OSBPL3: variants seen among roughly 807,000 people sequenced by gnomAD.
The protein encoded by OSBPL3 is oxysterol-binding protein-related protein 3.
In OSBPL3, 65 loss-of-function variants were observed where a neutral mutation model predicts 120.1. The observed-to-expected ratio is 0.54, with a 90% CI of 0.44 to 0.67. OSBPL3 has a LOEUF of 0.67. Among genes scored for constraint, OSBPL3 ranks in the 30% least tolerant of loss-of-function variants. The pLI is 0.00. For synonymous variants in OSBPL3, 416 were observed against 402.6 expected, an observed-to-expected ratio of 1.03 and a Z score of -0.40; for missense variants, 1,004 against 1,082.1, an observed-to-expected ratio of 0.93 and a Z score of 1.01.
Position 24,799,445 on chromosome 7 carries a change from A to G in OSBPL3, c.*738T>C, listed in dbSNP as rs1792047074. ...TTTCCTACTGTCTCTCTGGGATGCTATTGTGATATTTAATTAATTGGAATT... is the reference window on the plus strand; with the variant it reads ...TTTCCTACTGTCTCTCTGGGATGCTGTTGTGATATTTAATTAATTGGAATT... On this transcript the variant is annotated 3_prime_UTR_variant, in exon 23 of 23. Transcript: ENST00000313367. The surrounding 1 kb of genome is among the most constrained non-coding windows in gnomAD (Gnocchi z 5.3). 6.6e-6 allele frequency: 1 copy of G among 152,180 alleles called. No individual in the cohort carries two copies. The highest frequency in any genetic ancestry group is 2.4e-5 in the African/African-American group (1 of 41,452). The allele number at this position is 152,180 out of a possible 1,614,324, so 9.4% of individuals were successfully genotyped here. A position where few individuals can be genotyped will look rare whatever the true frequency, so the allele number is the denominator to read the frequency against.
Position 24,861,781 on chromosome 7 carries a change from C to G in OSBPL3, c.871-12G>C. 2.6e-6 allele frequency: 4 copies of G among 1,544,566 alleles called. No homozygotes were observed. The South Asian group carries it at 3.7e-5, about 14-fold the overall frequency. On this transcript the variant is annotated splice_polypyrimidine_tract_variant and intron_variant, in intron 9 of 22. Coordinates refer to ENST00000313367, the MANE Select transcript of OSBPL3 (RefSeq NM_015550.4). The stretch of plus-strand genomic sequence containing the variant: ...AAAGGTTTCGGGACCTGAAGTAACA[C>G]CAAAGGGAGATATTTCTTTTCAGAT...
rs1812015264 is a variant in OSBPL3, at chr7:24,933,320, A to C, written c.-149-40699T>G. 6.6e-6 allele frequency among the ~76,000 whole-genome samples: 1 copy of C among 152,222 alleles called. No individual in the cohort carries two copies. Among genetic ancestry groups the C allele is most frequent in the Non-Finnish European group, 1.5e-5 (1 of 68,034 alleles). On this transcript the variant is annotated intron_variant, in intron 1 of 22. Transcript: ENST00000313367. The surrounding 1 kb of genome is among the most constrained non-coding windows in gnomAD (Gnocchi z 5.1). ...TTAGTAACACTGCTCTAGAGTCAAA[A>C]AAAGAACCAACCCATGAAGGTAAAA...
At chr7:24,885,293 A>T (rs954358338) in intron 2 of OSBPL3, among the ~76,000 whole-genome samples, 1 of 151,934 alleles carries the variant, frequency 6.6e-6, no homozygotes, top group Non-Finnish European at 1.5e-5. Context: ...GAAATGATAA[A>T]CACCTGGACA....
chr7:24,946,371 G>A lies in OSBPL3; in HGVS notation c.-150+33515C>T, dbSNP rs745523381. On this transcript the variant is annotated intron_variant, in intron 1 of 22. Transcript: ENST00000313367. The surrounding 1 kb of genome is among the most constrained non-coding windows in gnomAD (Gnocchi z 4.3). ...GGTTGGAGCAGACACAAACCAACTC[G>A]TATTTAAGAGAAGGGTACACAGACC... 5.3e-5 allele frequency among the ~76,000 whole-genome samples: 8 copies of A among 152,072 alleles called. No homozygotes were observed. The highest frequency in any genetic ancestry group is 8.8e-5 in the Non-Finnish European group (6 of 68,012).
rs547381813 is a variant in OSBPL3 at position 24,931,061 on chromosome 7, CCAA to C, written c.-149-38443_-149-38441del. ...ATTGCTTCCTGAACATCAAGGTAAG[CCAA>C]CAAGTCTGAACAGTCATTTGAGGGG... On this transcript the variant is annotated intron_variant, in intron 1 of 22. Coordinates refer to ENST00000313367, the MANE Select transcript of OSBPL3 (RefSeq NM_015550.4). Among the ~76,000 whole-genome samples, 1,241 of 152,210 alleles carry C rather than the reference CCAA, an allele frequency of 8.2e-3. 8 individuals are homozygous for C. Among genetic ancestry groups the C allele is most frequent in the South Asian group, 0.021 (101 of 4,818 alleles).
At position 24,892,483 on chromosome 7, in the gene OSBPL3, T is replaced by C. The variant is rs756404337; in HGVS notation, c.-11A>G. ...CTCATCACTCATCATGGACAGCAAGTCACTTGGCCTCGAGACAATCAAAAT... is the reference window on the plus strand; with the variant it reads ...CTCATCACTCATCATGGACAGCAAGCCACTTGGCCTCGAGACAATCAAAAT... On this transcript the variant is annotated 5_prime_UTR_variant, in exon 2 of 23. Coordinates refer to ENST00000313367, the MANE Select transcript of OSBPL3 (RefSeq NM_015550.4). 5 of 1,610,156 alleles carry C rather than the reference T, an allele frequency of 3.1e-6. No homozygotes were observed. In the African/African-American group the frequency reaches 6.7e-5, roughly 22 times the overall value.
Position 24,863,056 on chromosome 7 carries a change from A to G in OSBPL3, c.870+144T>C. On this transcript the variant is annotated intron_variant, in intron 9 of 22. Coordinates refer to ENST00000313367, the MANE Select transcript of OSBPL3 (RefSeq NM_015550.4). This position sits in a 1 kb window ranked among gnomAD's most constrained non-coding sequence, Gnocchi z 5.8. ...CCAGATAATCTAAGTGATTCAATTCATCTCGCTACAGAGGACACTGGAAAG... is the reference window on the plus strand; with the variant it reads ...CCAGATAATCTAAGTGATTCAATTCGTCTCGCTACAGAGGACACTGGAAAG... 3 of 635,736 alleles carry G rather than the reference A, an allele frequency of 4.7e-6. No individual in the cohort carries two copies. The highest frequency in any genetic ancestry group is 1.9e-5 in the South Asian group (1 of 53,702). 39.4% of individuals were successfully genotyped at this position (635,736 alleles called of 1,614,324 possible). A position where few individuals can be genotyped will look rare whatever the true frequency, so the allele number is the denominator to read the frequency against.
At position 24,847,479 on chromosome 7, in the gene OSBPL3, T is replaced by C. The variant is rs145634451; in HGVS notation, c.1266+1590A>G. On this transcript the variant is annotated intron_variant, in intron 12 of 22. Transcript: ENST00000313367. ...ATTGTTACCTCTCAAGGACAGTGTATAGCATTTCAGCTTTCAGGTATGCTA... is the reference window on the plus strand; with the variant it reads ...ATTGTTACCTCTCAAGGACAGTGTACAGCATTTCAGCTTTCAGGTATGCTA... Among the ~76,000 whole-genome samples, 232 of 152,326 alleles carry C rather than the reference T, an allele frequency of 1.5e-3. 1 individual carries two copies. Among genetic ancestry groups the C allele is most frequent in the African/African-American group, 4.8e-3 (200 of 41,580 alleles).
chr7:24,872,088 T>C lies in OSBPL3; in HGVS notation c.97-19A>G, dbSNP rs1219281357. 6.8e-7 allele frequency: 1 copy of C among 1,465,066 alleles called. No individual in the cohort carries two copies. Among genetic ancestry groups the C allele is most frequent in the East Asian group, 2.3e-5 (1 of 44,278 alleles). The allele number at this position is 1,465,066 out of a possible 1,614,324, so 90.8% of individuals were successfully genotyped here. On this transcript the variant is annotated intron_variant, in intron 2 of 22. Transcript: ENST00000313367. This position sits in a 1 kb window ranked among gnomAD's most constrained non-coding sequence, Gnocchi z 4.1. ...AGCTGTCCTGTTCCAACAAAAGAGT[T>C]CATGTTAAATGTCTATCTTTTTGAA...
intron 16 of OSBPL3, among the ~76,000 whole-genome samples, chr7:24,825,500 T>G (rs755220281): frequency 1.3e-5 from 2 of 152,218 alleles, no homozygotes; most frequent in Non-Finnish European, 2.9e-5. Context: ...CAAAAACACA[T>G]TAAGTGCTGA....
In OSBPL3 at chr7:24,894,214, C is replaced by CA. The variant is rs1805793581; in HGVS notation, c.-149-1594dup. On this transcript the variant is annotated intron_variant, in intron 1 of 22. Transcript: ENST00000313367. The surrounding 1 kb of genome is among the most constrained non-coding windows in gnomAD (Gnocchi z 4.1). ...AGAATCAAAACAATGAAAAGAAATA[C>CA]AAAATCTCAGAAAATGAAATTAAGG... Among the ~76,000 whole-genome samples, 1 of 152,044 alleles carries CA rather than the reference C, an allele frequency of 6.6e-6. No individual in the cohort carries two copies. Among genetic ancestry groups the CA allele is most frequent in the South Asian group, 2.1e-4 (1 of 4,832 alleles).
In OSBPL3 at chr7:24,856,358, A is replaced by G. The variant is rs377049928; in HGVS notation, c.1028-3724T>C. On this transcript the variant is annotated intron_variant, in intron 10 of 22. Transcript: ENST00000313367. ...TGAGTTAGTACAGTGAGACTATAAT[A>G]GATGGAATGTTTGGATAGTGAGAGT... is the stretch of plus-strand genomic sequence containing the variant. Among the ~76,000 whole-genome samples, 79 of 152,268 alleles carry G rather than the reference A, an allele frequency of 5.2e-4. 1 individual carries two copies. The highest frequency in any genetic ancestry group is 1.9e-3 in the African/African-American group (77 of 41,548).
In OSBPL3 at chr7:24,849,035, T is replaced by C; in HGVS notation, c.1266+34A>G. On this transcript the variant is annotated intron_variant, in intron 12 of 22. Transcript: ENST00000313367. This position sits in a 1 kb window ranked among gnomAD's most constrained non-coding sequence, Gnocchi z 5.4. ...TGGTATCACGGGAGCGGGCGGCAGC[T>C]GGGGAGACATTACCAGACGAGAAAC... is the stretch of plus-strand genomic sequence containing the variant. The C allele has an allele frequency of 1.4e-6, 2 of 1,468,656 alleles. No homozygotes were observed. The highest frequency in any genetic ancestry group is 1.9e-6 in the Non-Finnish European group (2 of 1,049,836). 91.0% of individuals were successfully genotyped at this position (1,468,656 alleles called of 1,614,324 possible).
chr7:24,978,304 TAC>T (rs1336118503), intron 1 of OSBPL3, among the ~76,000 whole-genome samples: 1 of 152,262 alleles, frequency 6.6e-6, no homozygotes, highest in East Asian at 1.9e-4. Flanking sequence ...TCCTCATATT[TAC>T]AGAGAAGGTT....
At chr7:24,856,966 A>G (rs1313238693) in intron 10 of OSBPL3, among the ~76,000 whole-genome samples, 1 of 152,192 alleles carries the variant, frequency 6.6e-6, no homozygotes, top group African/African-American at 2.4e-5. Context: ...CTACTTATGA[A>G]TCTAATTGCT....
At chr7:24,906,237 C>G in intron 1 of OSBPL3, 1 of 262,742 alleles carries the variant, frequency 3.8e-6, no homozygotes, top group Non-Finnish European at 7.8e-6. Context: ...CAGCCTCATT[C>G]CAGGAGCAGG....
Position 24,896,327 on chromosome 7 carries a change from G to T in OSBPL3, c.-149-3706C>A, listed in dbSNP as rs909132673. On this transcript the variant is annotated intron_variant, in intron 1 of 22. Transcript: ENST00000313367. This position sits in a 1 kb window ranked among gnomAD's most constrained non-coding sequence, Gnocchi z 4.4. ...TCAAAAATGACGTTTGTGCCTCTAA[G>T]ATGAGCTTCATTGTCTCTCACCACT... 1.1e-4 allele frequency among the ~76,000 whole-genome samples: 16 copies of T among 152,226 alleles called. No homozygotes were observed. The highest frequency in any genetic ancestry group is 7.2e-4 in the Admixed American group (11 of 15,290).
chr7:24,803,000 G>A lies in OSBPL3; in HGVS notation c.2567+1315C>T, dbSNP rs1306720574. On this transcript the variant is annotated intron_variant, in intron 22 of 22. Coordinates refer to ENST00000313367, the MANE Select transcript of OSBPL3 (RefSeq NM_015550.4). The surrounding 1 kb of genome is among the most constrained non-coding windows in gnomAD (Gnocchi z 4.1). ...ACTAATATCTTGAATTTGTGGAAAT[G>A]ATCAGAAGGGATCTAGTAGAATCTA... Among the ~76,000 whole-genome samples the A allele has an allele frequency of 1.3e-5, 2 of 152,144 alleles. No homozygotes were observed. The highest frequency in any genetic ancestry group is 2.9e-5 in the Non-Finnish European group (2 of 68,030).
intron 1 of OSBPL3, among the ~76,000 whole-genome samples, chr7:24,954,247 T>A (rs1037515967): frequency 6.6e-6 from 1 of 152,188 alleles, no homozygotes; most frequent in Non-Finnish European, 1.5e-5. Context: ...TTTTGCATAT[T>A]AAGGTATTTT....
Sources: allele counts gnomAD v4.1 joint callset (sites outside exome capture counted in the v4.1 genomes callset), GRCh38; gene constraint gnomAD v4.1.1; non-coding constraint Gnocchi (gnomAD v3.1); transcripts MANE v1.5; gene names NCBI Gene and HGNC (gene_info 2026-07-23, HGNC 2026-07-21).